The following PDE4B variants were observed in gnomAD, a reference collection of about 807,000 sequenced individuals.
PDE4B encodes phosphodiesterase 4B, also known as 3',5'-cyclic-AMP phosphodiesterase 4B.
In PDE4B, 20 loss-of-function variants were observed where a neutral mutation model predicts 82.2. The ratio of observed to expected loss-of-function variants is 0.24; its 90% CI spans 0.17 to 0.35. PDE4B has a LOEUF of 0.35. Ranked by LOEUF, PDE4B falls within the 10% of genes least tolerant of loss-of-function variation. PDE4B has a pLI of 1.00. For missense variants in PDE4B, 655 were observed against 907.2 expected (o/e 0.72, Z 3.57); for synonymous variants, 320 against 318.9 (o/e 1.00, Z -0.04).
chr1:66,200,736 G>A (rs987199105), intron 3 of PDE4B, among the ~76,000 whole-genome samples: 1 of 152,162 alleles, frequency 6.6e-6, no homozygotes, highest in Admixed American at 6.5e-5. Flanking sequence ...TCAGCTTAAG[G>A]AGATTTTGGG....
intron 4 of PDE4B, among the ~76,000 whole-genome samples, chr1:66,256,649 G>A (rs11208825): frequency 0.21 from 32,080 of 152,092 alleles, 6,987 homozygotes; most frequent in African/African-American, 0.54. Flanking sequence ...TGTGTTGTTC[G>A]ACTCTGGAGC....
At chr1:66,309,205 G>A (rs1336443300) in intron 7 of PDE4B, among the ~76,000 whole-genome samples, 1 of 152,160 alleles carries the variant, frequency 6.6e-6, no homozygotes, top group Admixed American at 6.6e-5. Context: ...AAGGCTCTAT[G>A]TTAACCATTC....
intron 7 of PDE4B, among the ~76,000 whole-genome samples, chr1:66,322,713 A>T (rs768478057): frequency 1.3e-5 from 2 of 151,724 alleles, no homozygotes; most frequent in East Asian, 3.9e-4. Flanking sequence ...CCTGTGTTGA[A>T]ACCAGTAGGT....
intron 1 of PDE4B, among the ~76,000 whole-genome samples, chr1:65,882,103 C>G (rs1445056480): frequency 6.6e-6 from 1 of 152,138 alleles, no homozygotes; most frequent in East Asian, 1.9e-4. Flanking sequence ...GCTTGTGAGG[C>G]TCAGCCTTTC....
At chr1:66,318,489 G>T (rs6699001) in intron 7 of PDE4B, among the ~76,000 whole-genome samples, 22,448 of 152,092 alleles carry the variant, frequency 0.15, 3,104 homozygotes, top group African/African-American at 0.36. Context: ...CTGTGATTCT[G>T]GAAAGTTACT....
chr1:65,945,650 A>G (rs1648676027), intron 3 of PDE4B, among the ~76,000 whole-genome samples: 1 of 152,006 alleles, frequency 6.6e-6, no homozygotes, highest in Non-Finnish European at 1.5e-5. Flanking sequence ...CTATGCCGTT[A>G]GGTCCATTCA....
chr1:65,889,489 AG>A (rs1339462219), intron 1 of PDE4B, among the ~76,000 whole-genome samples: 6 of 148,858 alleles, frequency 4.0e-5, no homozygotes, highest in African/African-American at 1.5e-4. Context: ...TTAATACTGT[AG>A]GTAACTCAAA....
intron 3 of PDE4B, among the ~76,000 whole-genome samples, chr1:66,087,067 A>G (rs192864056): frequency 6.6e-6 from 1 of 152,270 alleles, no homozygotes; most frequent in East Asian, 1.9e-4. Flanking sequence ...ATAAGTCTGT[A>G]CCTGTTCTTT....
rs1312917949 is a variant in PDE4B at position 66,257,832 on chromosome 1, A to G, written c.553A>G (p.Ile185Val). Residue 185 changes from isoleucine to valine, a missense_variant, in exon 6 of 17, where the codon ATA becomes GTA. Ile to Val is a conservative substitution (Grantham distance 29, BLOSUM62 3). Around this residue, in one of 3 missense-constraint regions of PDE4B, gnomAD observed 253 missense variants for 275.6 expected, o/e 0.92. Transcript: ENST00000341517. ...SLRSVRNNFTILTNLHGTSNK... is the reference protein window; with the variant it reads ...SLRSVRNNFTVLTNLHGTSNK... ...GCGAAGTGTGAGAAACAACTTCACTATACTGACAAACCTTCATGGTACATC... is the reference window on the plus strand; with the variant it reads ...GCGAAGTGTGAGAAACAACTTCACTGTACTGACAAACCTTCATGGTACATC... 3.1e-6 allele frequency: 5 copies of G among 1,613,388 alleles called. No individual in the cohort carries two copies. The highest frequency in any genetic ancestry group is 1.1e-5 in the South Asian group (1 of 91,072).
At chr1:66,214,031 T>C (rs532804167) in intron 3 of PDE4B, among the ~76,000 whole-genome samples, 2 of 152,288 alleles carry the variant, frequency 1.3e-5, no homozygotes, top group African/African-American at 4.8e-5. Flanking sequence ...AAAAATAATA[T>C]TTTTGTATCA....
chr1:65,972,767 A>G (rs1337277212), intron 3 of PDE4B, among the ~76,000 whole-genome samples: 3 of 152,174 alleles, frequency 2.0e-5, no homozygotes, highest in African/African-American at 7.2e-5. Flanking sequence ...TCCTTTATTT[A>G]GATGCAGTTC....
At chr1:65,797,483 T>C (rs1331451123) in intron 1 of PDE4B, among the ~76,000 whole-genome samples, 1 of 152,196 alleles carries the variant, frequency 6.6e-6, no homozygotes, top group Non-Finnish European at 1.5e-5. Context: ...TTGTGGGCAG[T>C]GGTTTCAATG....
At chr1:66,174,432 C>T (rs556980567) in intron 3 of PDE4B, among the ~76,000 whole-genome samples, 1 of 152,138 alleles carries the variant, frequency 6.6e-6, no homozygotes, top group East Asian at 1.9e-4. Context: ...ACAGTGTTGC[C>T]TACTATATTC....
At chr1:66,065,429 G>A (rs898148326) in intron 3 of PDE4B, among the ~76,000 whole-genome samples, 2 of 151,842 alleles carry the variant, frequency 1.3e-5, no homozygotes, top group African/African-American at 4.8e-5. Context: ...ACTTATGGTT[G>A]GGAAATAGCT....
chr1:66,187,521 G>T (rs943561723), intron 3 of PDE4B, among the ~76,000 whole-genome samples: 19 of 152,282 alleles, frequency 1.2e-4, no homozygotes, highest in African/African-American at 4.1e-4. Context: ...CCCTGTTATT[G>T]GTCTATTCAA....
chr1:65,902,507 C>T (rs1646982684), intron 1 of PDE4B, among the ~76,000 whole-genome samples: 1 of 152,070 alleles, frequency 6.6e-6, no homozygotes, highest in Non-Finnish European at 1.5e-5. Context: ...TGAAGCCTTC[C>T]CTGGTCCTCC....
chr1:65,880,425 T>A (rs979874101), intron 1 of PDE4B, among the ~76,000 whole-genome samples: 6 of 152,354 alleles, frequency 3.9e-5, no homozygotes, highest in African/African-American at 1.4e-4. Flanking sequence ...GGACCTCTTG[T>A]TATGGTCTGA....
intron 3 of PDE4B, among the ~76,000 whole-genome samples, chr1:66,135,286 G>A (rs1646034012): frequency 6.6e-6 from 1 of 152,212 alleles, no homozygotes; most frequent in East Asian, 1.9e-4. Context: ...TAGGTGATGA[G>A]AAATCATTGA....
At chr1:66,056,494 A>G (rs527405111) in intron 3 of PDE4B, among the ~76,000 whole-genome samples, 71 of 70,768 alleles carry the variant, frequency 1.0e-3, no homozygotes, top group Non-Finnish European at 1.7e-3. Context: ...TCATCTATCT[A>G]TCTATCTATC....
Sources: gnomAD v4.1 joint callset for allele counts (sites outside exome capture counted in the v4.1 genomes callset) on GRCh38, gnomAD v4.1.1 for gene constraint, gnomAD v4.1.1 regional missense constraint, MANE v1.5 for transcripts, NCBI Gene and HGNC (gene_info 2026-07-23, HGNC 2026-07-21) for gene names.